KCNN2: variants seen among roughly 807,000 people sequenced by gnomAD.
KCNN2 encodes the protein potassium calcium-activated channel subfamily N member 2.
A neutral mutation model predicts 55.5 loss-of-function variants in KCNN2; 24 were observed. The ratio of observed to expected loss-of-function variants is 0.43; its 90% CI spans 0.31 to 0.61. The LOEUF is 0.61. Ranked by LOEUF, KCNN2 falls within the 20% of genes least tolerant of loss-of-function variation. The probability of loss-of-function intolerance (pLI) is 0.08; values close to 1 mark genes in which losing one functional copy is unlikely to be tolerated. For missense variants in KCNN2, 754 were observed against 853.6 expected, an observed-to-expected ratio of 0.88 and a Z score of 1.45; for synonymous variants, 431 against 336.1, an observed-to-expected ratio of 1.28 and a Z score of -3.09.
intron 1 of KCNN2, among the ~76,000 whole-genome samples, chr5:114,069,039 T>A (rs531517550): frequency 6.6e-6 from 1 of 152,280 alleles, no homozygotes; most frequent in East Asian, 1.9e-4. Context: ...GGCCTCGAAC[T>A]CCTGACCCCA....
chr5:114,402,563 C>T (rs182655222), intron 2 of KCNN2, among the ~76,000 whole-genome samples: 8 of 151,646 alleles, frequency 5.3e-5, no homozygotes, highest in South Asian at 4.2e-4. Context: ...GCAAAAGGGA[C>T]GGGAAATAAG....
chr5:114,196,311 G>A (rs1169533947), intron 1 of KCNN2, among the ~76,000 whole-genome samples: 1 of 151,820 alleles, frequency 6.6e-6, no homozygotes, highest in East Asian at 1.9e-4. Flanking sequence ...GTTCATAAGG[G>A]ATATTGTTCT....
intron 2 of KCNN2, among the ~76,000 whole-genome samples, chr5:114,252,413 T>G (rs1420084682): frequency 1.3e-5 from 2 of 152,162 alleles, no homozygotes; most frequent in African/African-American, 4.8e-5. Flanking sequence ...TAGGGAACTT[T>G]ACTGGGAGAG....
intron 2 of KCNN2, among the ~76,000 whole-genome samples, chr5:114,326,291 C>A (rs922221291): frequency 1.2e-4 from 18 of 152,140 alleles, no homozygotes; most frequent in Non-Finnish European, 2.6e-4. Flanking sequence ...GGATAGGGAA[C>A]ATTCCAGGTT....
intron 5 of KCNN2, among the ~76,000 whole-genome samples, chr5:114,478,132 C>T (rs1762055668): frequency 6.6e-6 from 1 of 152,080 alleles, no homozygotes; most frequent in Non-Finnish European, 1.5e-5. Flanking sequence ...ATCCCTGCTG[C>T]TGCAAGGGTG....
At chr5:114,425,783 A>G (rs2150083846) in intron 3 of KCNN2, among the ~76,000 whole-genome samples, 1 of 152,096 alleles carries the variant, frequency 6.6e-6, no homozygotes, top group East Asian at 1.9e-4. Context: ...GGGAAAATAG[A>G]TTGTCAAGCA....
chr5:114,231,680 C>T (rs1754363371), intron 2 of KCNN2, among the ~76,000 whole-genome samples: 1 of 151,216 alleles, frequency 6.6e-6, no homozygotes, highest in East Asian at 1.9e-4. Context: ...ATTAAGTTTG[C>T]CAGTGACAGT....
intron 3 of KCNN2, among the ~76,000 whole-genome samples, chr5:114,453,594 T>C (rs1486467293): frequency 2.0e-5 from 3 of 152,222 alleles, no homozygotes; most frequent in African/African-American, 7.2e-5. Context: ...ATTTCTTTTC[T>C]TCCACTGTCC....
At chr5:114,462,335 C>T (rs992664786) in intron 3 of KCNN2, among the ~76,000 whole-genome samples, 1 of 152,218 alleles carries the variant, frequency 6.6e-6, no homozygotes, top group African/African-American at 2.4e-5. Context: ...TTGTATCCCT[C>T]TCCCTCTTTT....
At chr5:114,341,855 G>C (rs1276752038) in intron 2 of KCNN2, among the ~76,000 whole-genome samples, 1 of 150,618 alleles carries the variant, frequency 6.6e-6, no homozygotes, top group African/African-American at 2.4e-5. Context: ...ACAGCCTACT[G>C]TTGGTTAAAA....
In KCNN2 at chr5:114,362,097, G is replaced by T. The variant is rs945923632; in HGVS notation, c.-43G>T. The stretch of plus-strand genomic sequence containing the variant: ...TCCCGACCATAACGCATTGCGCAGG[G>T]TGCACCACCGCTTGGTCTCCCTGCA... On this transcript the variant is annotated 5_prime_UTR_variant, in exon 1 of 8. Coordinates refer to ENST00000673685, the MANE Select transcript of KCNN2 (RefSeq NM_021614.4). The T allele has an allele frequency of 6.4e-6, 1 of 155,276 alleles. No homozygotes were observed. Among genetic ancestry groups the T allele is most frequent in the African/African-American group, 2.4e-5 (1 of 41,460 alleles). 9.6% of individuals were successfully genotyped at this position (155,276 alleles called of 1,614,324 possible). A position where few individuals can be genotyped will look rare whatever the true frequency, so the allele number is the denominator to read the frequency against.
At chr5:114,101,704 G>A (rs1158807976) in intron 1 of KCNN2, among the ~76,000 whole-genome samples, 2 of 151,810 alleles carry the variant, frequency 1.3e-5, no homozygotes, top group East Asian at 3.9e-4. Flanking sequence ...CTGTTTCTGT[G>A]TTAGTTTGCT....
intron 2 of KCNN2, among the ~76,000 whole-genome samples, chr5:114,226,456 C>A (rs1381382711): frequency 1.3e-5 from 2 of 152,126 alleles, no homozygotes; most frequent in Non-Finnish European, 2.9e-5. Context: ...AACAATGTGT[C>A]ATAACCATCA....
chr5:114,286,039 C>A (rs148052958), intron 2 of KCNN2, among the ~76,000 whole-genome samples: 235 of 152,044 alleles, frequency 1.5e-3, no homozygotes, highest in African/African-American at 5.1e-3. Context: ...CCTGTCTCAG[C>A]CTCCTGAGTA....
intron 1 of KCNN2, among the ~76,000 whole-genome samples, chr5:114,188,269 G>T (rs534679930): frequency 6.6e-6 from 1 of 152,164 alleles, no homozygotes; most frequent in African/African-American, 2.4e-5. Context: ...GCCTCTTGAG[G>T]AGGTAAGAGA....
In KCNN2 at chr5:114,235,885, G is replaced by T. The variant is rs190268497; in HGVS notation, c.-185+14320G>T. 5.3e-5 allele frequency among the ~76,000 whole-genome samples: 8 copies of T among 152,254 alleles called. No individual in the cohort carries two copies. In the South Asian group the frequency reaches 1.2e-3, roughly 24 times the overall value. ...TGATGAGGAAACTGAGTATGAAAACGGCTGGATGATTTGCTGAAGATTACT... is the reference window on the plus strand; with the variant it reads ...TGATGAGGAAACTGAGTATGAAAACTGCTGGATGATTTGCTGAAGATTACT... On this transcript the variant is annotated intron_variant, in intron 2 of 10. Transcript: ENST00000512097.
intron 2 of KCNN2, among the ~76,000 whole-genome samples, chr5:114,393,221 G>A (rs1450362333): frequency 1.3e-5 from 2 of 151,888 alleles, no homozygotes; most frequent in African/African-American, 4.8e-5. Flanking sequence ...GTAAGTGAAT[G>A]AAAAAAAGAG....
intron 2 of KCNN2, among the ~76,000 whole-genome samples, chr5:114,327,046 T>C (rs1756727251): frequency 6.6e-6 from 1 of 152,166 alleles, no homozygotes; most frequent in Non-Finnish European, 1.5e-5. Context: ...CACACAGACG[T>C]AAATGAGAGG....
chr5:114,340,129 A>G (rs1359052994), intron 2 of KCNN2, among the ~76,000 whole-genome samples: 1 of 151,752 alleles, frequency 6.6e-6, no homozygotes, highest in Non-Finnish European at 1.5e-5. Flanking sequence ...GTAGGAGTCA[A>G]TTTTTTTTGC....
Sources: allele counts gnomAD v4.1 joint callset (sites outside exome capture counted in the v4.1 genomes callset), GRCh38; gene constraint gnomAD v4.1.1; transcripts MANE v1.5; gene names NCBI Gene and HGNC (gene_info 2026-07-23, HGNC 2026-07-21).